SPINK8: variants seen among roughly 807,000 people sequenced by gnomAD.
The protein encoded by SPINK8 is serine protease inhibitor Kazal-type 8.
In SPINK8, 12 loss-of-function variants were observed where a neutral mutation model predicts 14.4. The observed-to-expected ratio is 0.83, with a 90% confidence interval of 0.53 to 1.35. The LOEUF is 1.35. SPINK8 is among the 40% of genes most tolerant of loss of function. SPINK8 has a pLI of 0.00. For synonymous variants in SPINK8, 32 were observed against 37.6 expected, an observed-to-expected ratio of 0.85 and a Z score of 0.55; for missense variants, 103 against 117.0, an observed-to-expected ratio of 0.88 and a Z score of 0.55.
intron 1 of SPINK8, among the ~76,000 whole-genome samples, chr3:48,333,045 G>A (rs2036286098): frequency 6.6e-6 from 1 of 152,034 alleles, no homozygotes; most frequent in African/African-American, 2.4e-5. Flanking sequence ...TGGGGAAGGA[G>A]CCGGGGGAAC....
chr3:48,318,652 T>A (rs1299404622), intron 6 of SPINK8, among the ~76,000 whole-genome samples: 1 of 152,240 alleles, frequency 6.6e-6, no homozygotes, highest in South Asian at 2.1e-4. Flanking sequence ...TAAGCTTTAG[T>A]GTTTATTCAG....
chr3:48,323,918 G>A (rs568210353), intron 4 of SPINK8, among the ~76,000 whole-genome samples: 1 of 149,596 alleles, frequency 6.7e-6, no homozygotes, highest in East Asian at 1.9e-4. Flanking sequence ...ATTGAAAAGT[G>A]TGAGTACTTC....
intron 7 of SPINK8, among the ~76,000 whole-genome samples, chr3:48,307,252 T>C (rs1262301091): frequency 6.6e-6 from 1 of 152,154 alleles, no homozygotes; most frequent in Non-Finnish European, 1.5e-5. Context: ...TGGGAACTCC[T>C]GAGGGGATAG....
chr3:48,321,203 T>C, intron 4 of SPINK8, 129 bp from the exon 5 acceptor site: 2 of 784,276 alleles, frequency 2.6e-6, no homozygotes, highest in Non-Finnish European at 3.9e-6. Context: ...GCTGGGCTCC[T>C]CTTTGATGCA....
chr3:48,332,590 T>A (rs1178588225), intron 1 of SPINK8, among the ~76,000 whole-genome samples, 119 bp from the exon 2 acceptor site: 1 of 152,176 alleles, frequency 6.6e-6, no homozygotes, highest in Non-Finnish European at 1.5e-5. Context: ...TGATTCTGCG[T>A]CCCATTGAGG....
At chr3:48,329,523 C>T (rs1406409726) in intron 2 of SPINK8, among the ~76,000 whole-genome samples, 3 of 152,224 alleles carry the variant, frequency 2.0e-5, no homozygotes, top group African/African-American at 4.8e-5. Flanking sequence ...ATAATTATTA[C>T]ATTCAAGACG....
intron 4 of SPINK8, among the ~76,000 whole-genome samples, chr3:48,321,743 G>A (rs1463413074): frequency 6.6e-6 from 1 of 151,932 alleles, no homozygotes; most frequent in African/African-American, 2.4e-5. Context: ...GAACCCAGGA[G>A]GTGGAGGTTG....
intron 2 of SPINK8, among the ~76,000 whole-genome samples, chr3:48,331,868 C>A (rs1296959607): frequency 6.6e-6 from 1 of 152,192 alleles, no homozygotes; most frequent in Non-Finnish European, 1.5e-5. Flanking sequence ...TAGTGTCCAG[C>A]AGACAGTTAA....
Position 48,307,017 on chromosome 3 carries a change from A to G in SPINK8, c.283-14T>C. The G allele has an allele frequency of 6.2e-7, 1 of 1,612,714 alleles. No individual in the cohort carries two copies. The highest frequency in any genetic ancestry group is 8.5e-7 in the Non-Finnish European group (1 of 1,179,204). On this transcript the variant is annotated splice_polypyrimidine_tract_variant and intron_variant, in intron 7 of 7. Transcript: ENST00000434006. ...TCAAGAGTTTTCCTGCAAGAGAAGT[A>G]TCTGCTTAGAGAAATCAAATTTGAG... is the stretch of plus-strand genomic sequence containing the variant.
chr3:48,309,859 T>A, intron 7 of SPINK8, 45 bp downstream of exon 7: 2 of 1,439,586 alleles, frequency 1.4e-6, no homozygotes, highest in Middle Eastern at 1.8e-4. Context: ...TCTTAACTTA[T>A]CTAGTTTACT....
intron 4 of SPINK8, among the ~76,000 whole-genome samples, chr3:48,327,095 G>A (rs1337532658): frequency 2.0e-5 from 3 of 152,182 alleles, no homozygotes; most frequent in African/African-American, 7.2e-5. Flanking sequence ...ACCCAGCATA[G>A]TAGTAAGGGC....
chr3:48,310,429 A>AATC (rs1445627693), intron 6 of SPINK8, among the ~76,000 whole-genome samples: 1 of 152,190 alleles, frequency 6.6e-6, no homozygotes, highest in Admixed American at 6.5e-5. Context: ...AAAGATACTG[A>AATC]ATCAGTAATA....
intron 1 of SPINK8, among the ~76,000 whole-genome samples, chr3:48,333,048 G>A (rs1041720929): frequency 5.3e-5 from 8 of 152,040 alleles, no homozygotes; most frequent in African/African-American, 1.7e-4. Flanking sequence ...GGAAGGAGCC[G>A]GGGGAACGCC....
intron 5 of SPINK8, 122 bp downstream of exon 5, chr3:48,320,903 G>T (rs1228343269): frequency 1.1e-6 from 1 of 906,082 alleles, no homozygotes; most frequent in African/African-American, 1.7e-5. Flanking sequence ...AGCTTTTATT[G>T]TTCTGTTATT....
intron 4 of SPINK8, among the ~76,000 whole-genome samples, chr3:48,327,886 A>G (rs905180989): frequency 6.6e-6 from 1 of 152,252 alleles, no homozygotes; most frequent in African/African-American, 2.4e-5. Context: ...ACTGTTAACT[A>G]TAAGCATGAC....
At chr3:48,324,456 A>G (rs1560018582) in intron 4 of SPINK8, among the ~76,000 whole-genome samples, 1 of 152,118 alleles carries the variant, frequency 6.6e-6, no homozygotes, top group Non-Finnish European at 1.5e-5. Flanking sequence ...TCCTATCTGG[A>G]TAACTTTTAT....
intron 7 of SPINK8, among the ~76,000 whole-genome samples, chr3:48,307,702 C>G (rs1238224312): frequency 6.6e-6 from 1 of 151,878 alleles, no homozygotes; most frequent in African/African-American, 2.4e-5. Flanking sequence ...CTTTATTAAG[C>G]CTATATCTCA....
chr3:48,309,799 G>A, intron 7 of SPINK8, 105 bp downstream of exon 7: 3 of 1,334,220 alleles, frequency 2.2e-6, no homozygotes, highest in Non-Finnish European at 2.9e-6. Context: ...TTTTATGTAT[G>A]TTTGAAAATG....
rs112910787 is a variant in SPINK8, at chr3:48,324,846, T to C, written c.67+3429A>G. ...GTTGTTCTAGTCTTCTATTTCCTTA[T>C]TGGTCTTCTGTCTAGTTGTTTTAGC... On this transcript the variant is annotated intron_variant, in intron 4 of 7. Coordinates refer to ENST00000434006, the MANE Select transcript of SPINK8 (RefSeq NM_001080525.3). Among the ~76,000 whole-genome samples, 1,158 of 152,324 alleles carry C rather than the reference T, an allele frequency of 7.6e-3. 11 individuals are homozygous for C. The highest frequency in any genetic ancestry group is 0.01 in the South Asian group (50 of 4,828).
Sources: allele counts gnomAD v4.1 joint callset (sites outside exome capture counted in the v4.1 genomes callset), GRCh38; gene constraint gnomAD v4.1.1; transcripts MANE v1.5; gene names NCBI Gene and HGNC (gene_info 2026-07-23, HGNC 2026-07-21).